Variants in ZFP3 observed in about 807,000 individuals in gnomAD.
ZFP3 encodes the protein zinc finger protein 3 homolog.
In ZFP3, 18 loss-of-function variants were observed where a neutral mutation model predicts 36.7. The observed-to-expected ratio is 0.49, with a 90% CI of 0.34 to 0.73. The LOEUF (loss-of-function observed/expected upper bound fraction) is 0.73, where lower values mean the gene tolerates loss of function less well. Ranked by LOEUF, ZFP3 falls within the 30% of genes least tolerant of loss-of-function variation. The pLI, the probability that ZFP3 is intolerant of heterozygous loss-of-function variation, is 0.01. For synonymous variants in ZFP3, 218 were observed against 199.0 expected, an observed-to-expected ratio of 1.10 and a Z score of -0.81; for missense variants, 495 against 599.0, an observed-to-expected ratio of 0.83 and a Z score of 1.81.
At chr17:5,088,137 G>A (rs560310663) in intron 1 of ZFP3, among the ~76,000 whole-genome samples, 1 of 152,198 alleles carries the variant, frequency 6.6e-6, no homozygotes, top group East Asian at 1.9e-4. Flanking sequence ...CCTCTCTGTG[G>A]ATACCTTGAA....
At chr17:5,086,159 A>G (rs2072119876) in intron 1 of ZFP3, among the ~76,000 whole-genome samples, 3 of 152,238 alleles carry the variant, frequency 2.0e-5, no homozygotes, top group Admixed American at 6.5e-5. Context: ...GGTCAAAGAA[A>G]GTTCCACCTC....
chr17:5,093,063 C>T lies in ZFP3; in HGVS notation c.*50C>T, dbSNP rs1381077116. ...TGGAAAAGCTAAAGTCCAACTTATTCATTTGTTCATAATATGCAAATATGC... is the reference window on the plus strand; with the variant it reads ...TGGAAAAGCTAAAGTCCAACTTATTTATTTGTTCATAATATGCAAATATGC... On this transcript the variant is annotated 3_prime_UTR_variant, in exon 2 of 2. Transcript: ENST00000318833. 2 of 1,510,544 alleles carry T rather than the reference C, an allele frequency of 1.3e-6. No homozygotes were observed. Among genetic ancestry groups the T allele is most frequent in the Non-Finnish European group, 1.8e-6 (2 of 1,129,572 alleles). 93.6% of individuals were successfully genotyped at this position (1,510,544 alleles called of 1,614,324 possible).
At chr17:5,086,293 G>A (rs2072120483) in intron 1 of ZFP3, among the ~76,000 whole-genome samples, 2 of 152,142 alleles carry the variant, frequency 1.3e-5, no homozygotes, top group Admixed American at 6.6e-5. Context: ...AGAGGTGCCC[G>A]AGCCGGATGG....
At chr17:5,081,508 A>G (rs1177989967) in intron 1 of ZFP3, among the ~76,000 whole-genome samples, 4 of 152,182 alleles carry the variant, frequency 2.6e-5, no homozygotes, top group Admixed American at 2.6e-4. Flanking sequence ...ATCCTTGCCT[A>G]TGAGTGATCT....
intron 1 of ZFP3, among the ~76,000 whole-genome samples, chr17:5,084,565 G>A (rs530671811): frequency 1.6e-4 from 25 of 152,036 alleles, no homozygotes; most frequent in Admixed American, 5.2e-4. Flanking sequence ...GTGAGCCACC[G>A]CGCCCGGCCT....
At chr17:5,089,010 A>G (rs1416795003) in intron 1 of ZFP3, among the ~76,000 whole-genome samples, 3 of 152,232 alleles carry the variant, frequency 2.0e-5, no homozygotes, top group Admixed American at 6.5e-5. Context: ...GGCCACTTTA[A>G]TATTAGTTCC....
intron 1 of ZFP3, among the ~76,000 whole-genome samples, chr17:5,090,445 A>G (rs938176690): frequency 2.0e-5 from 3 of 152,198 alleles, no homozygotes; most frequent in African/African-American, 7.2e-5. Flanking sequence ...AGCCCTTTGG[A>G]GAAGTTTAAA....
intron 1 of ZFP3, among the ~76,000 whole-genome samples, chr17:5,080,011 C>T (rs1382345330): frequency 6.6e-6 from 1 of 152,064 alleles, no homozygotes; most frequent in Admixed American, 6.5e-5. Context: ...TGCACTCCAG[C>T]CTGGGAGACA....
intron 1 of ZFP3, among the ~76,000 whole-genome samples, chr17:5,090,794 C>T (rs960497223): frequency 6.6e-6 from 1 of 152,096 alleles, no homozygotes; most frequent in African/African-American, 2.4e-5. Context: ...CCTCAGCCCC[C>T]CAAGAAGCTG....
Position 5,093,669 on chromosome 17 carries a change from G to A in ZFP3, c.*656G>A, listed in dbSNP as rs769367872. 3.6e-5 allele frequency: 6 copies of A among 167,044 alleles called. No individual in the cohort carries two copies. The highest frequency in any genetic ancestry group is 9.7e-5 in the African/African-American group (4 of 41,426). 10.3% of individuals were successfully genotyped at this position (167,044 alleles called of 1,614,324 possible). Reference sequence around the variant, plus strand: ...GTAAGCTGTTATTAGCTTCAAAGTCGTCCAGCCCTGCTATGAAGTTACTTT... The same window carrying A: ...GTAAGCTGTTATTAGCTTCAAAGTCATCCAGCCCTGCTATGAAGTTACTTT... On this transcript the variant is annotated 3_prime_UTR_variant, in exon 2 of 2. Transcript: ENST00000318833.
chr17:5,095,363 C>T lies in ZFP3; in HGVS notation c.*2350C>T, dbSNP rs1309165459. Reference sequence around the variant, plus strand: ...TAGGTTGATTACAAGTGAAGTGCGCCGTCTTATTCCTTTTTCATTGCTGGA... The same window carrying T: ...TAGGTTGATTACAAGTGAAGTGCGCTGTCTTATTCCTTTTTCATTGCTGGA... On this transcript the variant is annotated 3_prime_UTR_variant, in exon 2 of 2. Transcript: ENST00000318833. 2 of 166,956 alleles carry T rather than the reference C, an allele frequency of 1.2e-5. No individual in the cohort carries two copies. The highest frequency in any genetic ancestry group is 2.1e-4 in the South Asian group (1 of 4,828). The allele number at this position is 166,956 out of a possible 1,614,324, so 10.3% of individuals were successfully genotyped here.
intron 1 of ZFP3, among the ~76,000 whole-genome samples, chr17:5,079,986 C>T (rs1254169295): frequency 1.3e-5 from 2 of 151,980 alleles, no homozygotes; most frequent in South Asian, 2.1e-4. Context: ...TTGCGGTGAG[C>T]CAAGATTGCG....
At chr17:5,081,292 C>T (rs1426540468) in intron 1 of ZFP3, among the ~76,000 whole-genome samples, 1 of 151,972 alleles carries the variant, frequency 6.6e-6, no homozygotes, top group East Asian at 1.9e-4. Flanking sequence ...TGGGGTTTCA[C>T]CGTGTTAGCC....
Position 5,094,105 on chromosome 17 carries a change from T to A in ZFP3, c.*1092T>A, listed in dbSNP as rs1354795812. The A allele has an allele frequency of 6.0e-6, 1 of 167,218 alleles. No individual in the cohort carries two copies. Among genetic ancestry groups the A allele is most frequent in the African/African-American group, 2.4e-5 (1 of 41,480 alleles). The allele number at this position is 167,218 out of a possible 1,614,324, so 10.4% of individuals were successfully genotyped here. A position where few individuals can be genotyped will look rare whatever the true frequency, so the allele number is the denominator to read the frequency against. On this transcript the variant is annotated 3_prime_UTR_variant, in exon 2 of 2. Transcript: ENST00000318833. ...CTGATGACAAACCAGGGTCTGGCCT[T>A]GCCAAAGCACTTAAGTTCTCATGAC...
At chr17:5,088,683 C>T (rs184213192) in intron 1 of ZFP3, among the ~76,000 whole-genome samples, 2 of 152,092 alleles carry the variant, frequency 1.3e-5, no homozygotes, top group Non-Finnish European at 2.9e-5. Flanking sequence ...CTTCTGACCT[C>T]GTGATCCACC....
intron 1 of ZFP3, among the ~76,000 whole-genome samples, chr17:5,085,306 C>T (rs2143524079): frequency 6.6e-6 from 1 of 152,064 alleles, no homozygotes; most frequent in East Asian, 1.9e-4. Context: ...CTCAGCCTCT[C>T]AAAGTGCTGG....
Position 5,092,230 on chromosome 17 carries a change from A to T in ZFP3, c.726A>T (p.Leu242=). The change falls in exon 2 of 2, where the codon CTA becomes CTT. Residue 242 remains leucine, a synonymous_variant. Coordinates refer to ENST00000318833, the MANE Select transcript of ZFP3 (RefSeq NM_153018.3). This position sits in a 1 kb window ranked among gnomAD's most constrained non-coding sequence, Gnocchi z 5.0. Reference sequence around the variant, plus strand: ...TCAGTCAAAATTCAGCCCTTATTCTACACCAGAGAATCCATACTGGAGAGA... The same window carrying T: ...TCAGTCAAAATTCAGCCCTTATTCTTCACCAGAGAATCCATACTGGAGAGA... ...KAFSQNSALI[L]HQRIHTGEKP... is the part of the protein sequence containing the mutation. 6.2e-7 allele frequency: 1 copy of T among 1,614,142 alleles called. No individual in the cohort carries two copies. Among genetic ancestry groups the T allele is most frequent in the Non-Finnish European group, 8.5e-7 (1 of 1,180,034 alleles).
Position 5,095,050 on chromosome 17 carries a change from G to A in ZFP3, c.*2037G>A, listed in dbSNP as rs2072173177. The A allele has an allele frequency of 6.0e-6, 1 of 167,060 alleles. No individual in the cohort carries two copies. The highest frequency in any genetic ancestry group is 1.5e-5 in the Non-Finnish European group (1 of 68,116). 10.3% of individuals were successfully genotyped at this position (167,060 alleles called of 1,614,324 possible). A position where few individuals can be genotyped will look rare whatever the true frequency, so the allele number is the denominator to read the frequency against. On this transcript the variant is annotated 3_prime_UTR_variant, in exon 2 of 2. Transcript: ENST00000318833. ...GCCGCAGGTAGGCAGATTCATTACT[G>A]CCTTATCTGAAACCCTTTGCACAGT...
intron 1 of ZFP3, among the ~76,000 whole-genome samples, chr17:5,088,652 GT>G (rs1352368602): frequency 6.6e-6 from 1 of 151,996 alleles, no homozygotes; most frequent in Admixed American, 6.6e-5. Context: ...GTTTCACCGT[GT>G]TAGCCAAGAT....
Sources: allele counts gnomAD v4.1 joint callset (sites outside exome capture counted in the v4.1 genomes callset), GRCh38; gene constraint gnomAD v4.1.1; non-coding constraint Gnocchi (gnomAD v3.1); transcripts MANE v1.5; gene names NCBI Gene and HGNC (gene_info 2026-07-23, HGNC 2026-07-21).